Variants in KCNK9 observed in about 807,000 individuals in gnomAD.
KCNK9 encodes potassium channel subfamily K member 9.
In KCNK9, 1 loss-of-function variant was observed where a neutral mutation model predicts 10.8. The observed-to-expected ratio is 0.09, with a 90% CI of 0.03 to 0.44. The LOEUF (loss-of-function observed/expected upper bound fraction) is 0.44, where lower values mean the gene tolerates loss of function less well. KCNK9 is among the 20% of genes least tolerant of loss of function. The probability of loss-of-function intolerance (pLI) is 0.97; values close to 1 mark genes in which losing one functional copy is unlikely to be tolerated. For missense variants in KCNK9, 303 were observed against 515.0 expected (o/e 0.59, Z 3.98); for synonymous variants, 231 against 222.7 (o/e 1.04, Z -0.33).
intron 1 of KCNK9, among the ~76,000 whole-genome samples, chr8:139,662,560 G>T (rs1374417082): frequency 6.6e-6 from 1 of 152,246 alleles, no homozygotes; most frequent in African/African-American, 2.4e-5. Flanking sequence ...CCAGGTCCAG[G>T]CTTGGCCCCT....
At chr8:139,669,600 T>C (rs374435889) in intron 1 of KCNK9, among the ~76,000 whole-genome samples, 6 of 152,352 alleles carry the variant, frequency 3.9e-5, no homozygotes, top group African/African-American at 1.4e-4. Context: ...CCACTTCTAA[T>C]TCTAGTTCTC....
At chr8:139,641,918 C>T (rs544870474) in intron 1 of KCNK9, among the ~76,000 whole-genome samples, 1 of 152,304 alleles carries the variant, frequency 6.6e-6, no homozygotes, top group East Asian at 1.9e-4. Flanking sequence ...TGGCAGAGCT[C>T]AGCTTCTGTG....
intron 1 of KCNK9, among the ~76,000 whole-genome samples, chr8:139,692,510 C>G (rs1339399806): frequency 6.6e-6 from 1 of 152,144 alleles, no homozygotes; most frequent in Non-Finnish European, 1.5e-5. Flanking sequence ...ACTGGCTTCC[C>G]CCTCACTAGT....
intron 1 of KCNK9, among the ~76,000 whole-genome samples, chr8:139,630,617 G>A (rs1430421958): frequency 6.6e-6 from 1 of 152,240 alleles, no homozygotes; most frequent in Non-Finnish European, 1.5e-5. Context: ...CTTTGGGGTG[G>A]CAGCTCGGAG....
chr8:139,640,596 C>G (rs952430800), intron 1 of KCNK9, among the ~76,000 whole-genome samples: 1 of 152,206 alleles, frequency 6.6e-6, no homozygotes. Flanking sequence ...CATACCCGCG[C>G]CCCAAGCCAC....
At chr8:139,641,630 G>GCC (rs10571858) in intron 1 of KCNK9, among the ~76,000 whole-genome samples, 165 of 151,592 alleles carry the variant, frequency 1.1e-3, no homozygotes, top group African/African-American at 3.9e-3. Context: ...GCTCTGGCCT[G>GCC]CCCCCCCCCC....
intron 1 of KCNK9, among the ~76,000 whole-genome samples, chr8:139,654,850 C>T (rs1373765415): frequency 6.6e-6 from 1 of 152,082 alleles, no homozygotes; most frequent in African/African-American, 2.4e-5. Flanking sequence ...GCCGCTGGGG[C>T]CAGAGGATGG....
At chr8:139,641,738 G>A (rs574681282) in intron 1 of KCNK9, among the ~76,000 whole-genome samples, 27 of 152,180 alleles carry the variant, frequency 1.8e-4, no homozygotes, top group Admixed American at 1.3e-3. Flanking sequence ...TGTCCCTGCC[G>A]TGCCCGCTAC....
At chr8:139,602,264 G>A (rs1333244552) in intron 2 of KCNK9, among the ~76,000 whole-genome samples, 4 of 152,210 alleles carry the variant, frequency 2.6e-5, no homozygotes, top group African/African-American at 4.8e-5. Context: ...CTTGACGATC[G>A]ATCACAGGCA....
At chr8:139,689,938 G>T (rs1455618079) in intron 1 of KCNK9, among the ~76,000 whole-genome samples, 2 of 152,120 alleles carry the variant, frequency 1.3e-5, no homozygotes, top group Non-Finnish European at 2.9e-5. Flanking sequence ...ACCACGCCCG[G>T]CCACCTTTGC....
At chr8:139,633,184 T>C (rs2615377) in intron 1 of KCNK9, among the ~76,000 whole-genome samples, 64,275 of 151,864 alleles carry the variant, frequency 0.42, 14,086 homozygotes, top group Middle Eastern at 0.5. Context: ...CATACACGAA[T>C]ATACACATGA....
chr8:139,679,458 G>A (rs1215958381), intron 1 of KCNK9, among the ~76,000 whole-genome samples: 1 of 152,228 alleles, frequency 6.6e-6, no homozygotes, highest in African/African-American at 2.4e-5. Context: ...AACCCAGACT[G>A]GTCAGATTTT....
chr8:139,684,894 A>G (rs771535013), intron 1 of KCNK9, among the ~76,000 whole-genome samples: 3 of 152,154 alleles, frequency 2.0e-5, no homozygotes, highest in Non-Finnish European at 4.4e-5. Flanking sequence ...TGAAATGATG[A>G]TGCTAAGAAC....
rs7005963 is a variant in KCNK9 at position 139,630,476 on chromosome 8, C to G, written c.284-11377G>C. 8.7e-3 allele frequency among the ~76,000 whole-genome samples: 1,331 copies of G among 152,304 alleles called. 16 individuals are homozygous for G. Among genetic ancestry groups the G allele is most frequent in the African/African-American group, 0.029 (1,226 of 41,566 alleles). ...AGCCCCTAATCCTAGAGCCACACAG[C>G]AGCAACATCCGACGCTCGCTGGTCC... On this transcript the variant is annotated intron_variant, in intron 1 of 1. Coordinates refer to ENST00000520439, the MANE Select transcript of KCNK9 (RefSeq NM_001282534.2).
intron 1 of KCNK9, among the ~76,000 whole-genome samples, chr8:139,671,894 C>G (rs555817110): frequency 6.6e-6 from 1 of 152,334 alleles, no homozygotes; most frequent in Admixed American, 6.5e-5. Context: ...ATTCAAGGCT[C>G]CCCTGAGCGT....
chr8:139,606,749 C>A (rs1814231330), intron 2 of KCNK9, among the ~76,000 whole-genome samples: 1 of 152,214 alleles, frequency 6.6e-6, no homozygotes, highest in African/African-American at 2.4e-5. Flanking sequence ...TTTGATATCT[C>A]TGTCCCGTGT....
intron 1 of KCNK9, among the ~76,000 whole-genome samples, chr8:139,643,756 T>C (rs1355744414): frequency 1.3e-5 from 2 of 152,192 alleles, no homozygotes; most frequent in Non-Finnish European, 2.9e-5. Flanking sequence ...AGTCTGTGCC[T>C]GAAATTCCTC....
At chr8:139,682,792 C>T (rs964405499) in intron 1 of KCNK9, among the ~76,000 whole-genome samples, 2 of 152,138 alleles carry the variant, frequency 1.3e-5, no homozygotes, top group Non-Finnish European at 2.9e-5. Context: ...GAGTAGGTGA[C>T]GTTGCCGTAG....
chr8:139,658,189 C>T (rs1816067036), intron 1 of KCNK9, among the ~76,000 whole-genome samples: 1 of 152,168 alleles, frequency 6.6e-6, no homozygotes. Flanking sequence ...GGCAGTAAGA[C>T]ACAAGGGGCT....
Sources: allele counts gnomAD v4.1 joint callset (sites outside exome capture counted in the v4.1 genomes callset), GRCh38; gene constraint gnomAD v4.1.1; transcripts MANE v1.5; gene names NCBI Gene and HGNC (gene_info 2026-07-23, HGNC 2026-07-21).